Variants in DISP2 observed in about 807,000 individuals in gnomAD.
DISP2 encodes dispatched RND transporter family member 2.
DISP2 carries 59 observed loss-of-function variants against 95.5 expected under a neutral mutation model. The observed-to-expected ratio is 0.62, with a 90% CI of 0.50 to 0.77. DISP2 has a LOEUF of 0.77. Among genes scored for constraint, DISP2 ranks in the 30% least tolerant of loss-of-function variants. The pLI is 0.00. For missense variants in DISP2, 1,752 were observed against 1,854.6 expected, an observed-to-expected ratio of 0.94 and a Z score of 1.02; for synonymous variants, 827 against 815.0, an observed-to-expected ratio of 1.01 and a Z score of -0.25.
In DISP2 at chr15:40,358,249, C is replaced by G. The variant is rs1194682260; in HGVS notation, c.-73C>G. ...CACGAGCACCCCGCCGCCGCTGCCGCCGCCACCGCCGCCGCCGCCGCCGCC... is the reference window on the plus strand; with the variant it reads ...CACGAGCACCCCGCCGCCGCTGCCGGCGCCACCGCCGCCGCCGCCGCCGCC... On this transcript the variant is annotated 5_prime_UTR_variant, in exon 1 of 8. Coordinates refer to ENST00000267889, the MANE Select transcript of DISP2 (RefSeq NM_033510.3). The G allele has an allele frequency of 1.9e-6, 2 of 1,045,896 alleles. No individual in the cohort carries two copies. Among genetic ancestry groups the G allele is most frequent in the Non-Finnish European group, 2.3e-6 (2 of 864,444 alleles). 64.8% of individuals were successfully genotyped at this position (1,045,896 alleles called of 1,614,324 possible). A position where few individuals can be genotyped will look rare whatever the true frequency, so the allele number is the denominator to read the frequency against.
chr15:40,367,360 T>A lies in DISP2; in HGVS notation c.1248T>A (p.Leu416=). 7 of 1,613,414 alleles carry A rather than the reference T, an allele frequency of 4.3e-6. No individual in the cohort carries two copies. The highest frequency in any genetic ancestry group is 5.9e-6 in the Non-Finnish European group (7 of 1,179,898). Reference sequence around the variant, plus strand: ...TCTACCAACTCCTGCACTTTCTGCTTGACAGGGACTTTCTGAGTCCCCAGA... The same window carrying A: ...TCTACCAACTCCTGCACTTTCTGCTAGACAGGGACTTTCTGAGTCCCCAGA... The part of the protein sequence containing the change: ...SAIYQLLHFL[L]DRDFLSPQTT... Residue 416 remains leucine, a synonymous_variant, in exon 8 of 8, where the codon CTT becomes CTA. Transcript: ENST00000267889.
Position 40,363,845 on chromosome 15 carries a change from C to G in DISP2, c.340C>G (p.Arg114Gly), listed in dbSNP as rs773758681. The G allele has an allele frequency of 1.9e-6, 3 of 1,610,472 alleles. No individual in the cohort carries two copies. Among genetic ancestry groups the G allele is most frequent in the Non-Finnish European group, 8.5e-7 (1 of 1,177,674 alleles). Residue 114 changes from arginine (R) to glycine (G), a missense_variant, in exon 2 of 8, where the codon CGG (arginine) becomes GGG (glycine). Transcript: ENST00000267889. ...GGSSLPGLGD[R>G]AALCSHGSSL... ...CAGTTCCCTGCCAGGACTTGGGGATCGGGCAGCTCTCTGCTCCCACGGCTC... is the reference window on the plus strand; with the variant it reads ...CAGTTCCCTGCCAGGACTTGGGGATGGGGCAGCTCTCTGCTCCCACGGCTC...
Position 40,358,244 on chromosome 15 carries a change from TGCCGCCGCCACC to T in DISP2, c.-68_-57del, listed in dbSNP as rs750818005. ...ATGCGCACGAGCACCCCGCCGCCGC[TGCCGCCGCCACC>T]GCCGCCGCCGCCGCCGCCGCCGCGG... On this transcript the variant is annotated 5_prime_UTR_variant, in exon 1 of 8. Coordinates refer to ENST00000267889, the MANE Select transcript of DISP2 (RefSeq NM_033510.3). 5.0e-5 allele frequency: 39 copies of T among 779,898 alleles called. 2 individuals carry two copies. The Middle Eastern group carries it at 1.5e-3, about 31-fold the overall frequency. The allele number at this position is 779,898 out of a possible 1,614,324, so 48.3% of individuals were successfully genotyped here.
intron 1 of DISP2, among the ~76,000 whole-genome samples, chr15:40,362,918 TG>T (rs2141259457): frequency 6.6e-6 from 1 of 152,354 alleles, no homozygotes; most frequent in East Asian, 1.9e-4. Context: ...TCGGAAGAAC[TG>T]GGTTTGAGTA....
At chr15:40,363,505 A>G in intron 1 of DISP2, 120 bp from the exon 2 acceptor site, 1 of 742,556 alleles carries the variant, frequency 1.3e-6, no homozygotes, top group South Asian at 2.3e-5. Flanking sequence ...CCCCAGGACT[A>G]ATAAATCAAC....
chr15:40,365,300 G>A (rs2141260989), intron 6 of DISP2, 26 bp downstream of exon 6: 2 of 1,610,978 alleles, frequency 1.2e-6, no homozygotes, highest in Non-Finnish European at 8.5e-7. Context: ...GCCAGTTCCT[G>A]GTTTTAATAG....
chr15:40,367,062 G>C lies in DISP2; in HGVS notation c.950G>C (p.Arg317Pro). 1 of 1,608,728 alleles carries C rather than the reference G, an allele frequency of 6.2e-7. No homozygotes were observed. Among genetic ancestry groups the C allele is most frequent in the Non-Finnish European group, 8.5e-7 (1 of 1,179,972 alleles). The change falls in exon 8 of 8, where the codon CGC becomes CCC. Residue 317 changes from arginine (R) to proline (P), a missense_variant. Transcript: ENST00000267889. ...SMCRMEQDQI[R>P]SHTSFGALCQ... Reference sequence around the variant, plus strand: ...CCTCCTGCGTGTGCCCTACAGATCCGCTCCCATACCAGCTTCGGGGCTCTG... The same window carrying C: ...CCTCCTGCGTGTGCCCTACAGATCCCCTCCCATACCAGCTTCGGGGCTCTG...
chr15:40,364,211 T>C lies in DISP2; in HGVS notation c.450-15T>C, dbSNP rs1889456029. 6.2e-7 allele frequency: 1 copy of C among 1,614,046 alleles called. No homozygotes were observed. On this transcript the variant is annotated splice_polypyrimidine_tract_variant and intron_variant, in intron 2 of 7. Coordinates refer to ENST00000267889, the MANE Select transcript of DISP2 (RefSeq NM_033510.3). ...AGAACTCTGGCAAGCAAGCATCTTT[T>C]CTTCTCTTCCACAGGCAGGAACGAG...
In DISP2 at chr15:40,367,836, CG is replaced by C. The variant is rs745509399; in HGVS notation, c.1731del (p.Leu578TrpfsTer32). 14 of 1,601,368 alleles carry C rather than the reference CG, an allele frequency of 8.7e-6. No homozygotes were observed. The highest frequency in any genetic ancestry group is 1.3e-5 in the African/African-American group (1 of 74,906). ...LWRLSKSQLPSGGLAQRVGRT... is the reference protein window; with the variant it reads ...LWRLSKSQLPXGGLAQRVGRT... ...CGCCTTAGCAAGAGCCAGCTGCCGTCGGGGGGGCTGGCGCAGCGCGTGGGCC... is the reference window on the plus strand; with the variant it reads ...CGCCTTAGCAAGAGCCAGCTGCCGTCGGGGGGCTGGCGCAGCGCGTGGGCC... On this transcript the variant is annotated frameshift_variant, in exon 8 of 8. Coordinates refer to ENST00000267889, the MANE Select transcript of DISP2 (RefSeq NM_033510.3). LOFTEE classifies it high-confidence loss of function.
In DISP2 at chr15:40,368,424, C is replaced by T. The variant is rs986291790; in HGVS notation, c.2312C>T (p.Pro771Leu). ...CCGCAGGGCGAGGGCGGCCACATGC[C>T]CGTGGTTTTGGTGTGGGGCGTCCTG... The part of the protein sequence containing the change: ...QLPQGEGGHM[P>L]VVLVWGVLPV... The change falls in exon 8 of 8, where the codon CCC (proline) becomes CTC (leucine). Residue 771 changes from proline to leucine, a missense_variant. Pro to Leu is a moderately conservative substitution (Grantham distance 98). Coordinates refer to ENST00000267889, the MANE Select transcript of DISP2 (RefSeq NM_033510.3). 6.2e-7 allele frequency: 1 copy of T among 1,609,458 alleles called. No individual in the cohort carries two copies. Among genetic ancestry groups the T allele is most frequent in the Admixed American group, 1.7e-5 (1 of 60,028 alleles).
Position 40,365,080 on chromosome 15 carries a change from G to A in DISP2, c.720-67G>A, listed in dbSNP as rs1889474395. On this transcript the variant is annotated intron_variant, in intron 5 of 7. Transcript: ENST00000267889. ...TGCCAAGGAAGGCTCCCTGGGGAGT[G>A]GTCTCTGGCCTCCTCTGAGTCTTCC... 2.5e-5 allele frequency: 40 copies of A among 1,590,664 alleles called. 1 individual carries two copies. In the South Asian group the frequency reaches 3.9e-4, roughly 15 times the overall value.
rs1192146092 is a variant in DISP2, at chr15:40,368,296, G to T, written c.2184G>T (p.Arg728=). 5.6e-6 allele frequency: 9 copies of T among 1,604,928 alleles called. No homozygotes were observed. Among genetic ancestry groups the T allele is most frequent in the Non-Finnish European group, 7.6e-6 (9 of 1,177,054 alleles). The change falls in exon 8 of 8, where the codon CGG becomes CGT. Residue 728 remains arginine, a synonymous_variant. Transcript: ENST00000267889. ...TCGCCGGAGTCAGCCCCCGCCTGCG[G>T]CTGCCCACGCTGCCGCCGCCCGGCG... The part of the protein sequence containing the change: ...AYIAGVSPRL[R]LPTLPPPGGQ...
rs1158486049 is a variant in DISP2, at chr15:40,358,236, GCCGCCGCTGCCGCCGCCA to G, written c.-78_-61del. On this transcript the variant is annotated 5_prime_UTR_variant, in exon 1 of 8. Transcript: ENST00000267889. ...GCCTACGCATGCGCACGAGCACCCC[GCCGCCGCTGCCGCCGCCA>G]CCGCCGCCGCCGCCGCCGCCGCCGC... 3,010 of 952,254 alleles carry G rather than the reference GCCGCCGCTGCCGCCGCCA, an allele frequency of 3.2e-3. 58 individuals carry two copies. In the African/African-American group the frequency reaches 0.048, roughly 15 times the overall value. The allele number at this position is 952,254 out of a possible 1,614,324, so 59.0% of individuals were successfully genotyped here. A position where few individuals can be genotyped will look rare whatever the true frequency, so the allele number is the denominator to read the frequency against.
chr15:40,368,520 C>T lies in DISP2; in HGVS notation c.2408C>T (p.Ala803Val). ...SSLVRDPAFS[A>V]SGPEAQRWLL... is the part of the protein sequence containing the mutation. Reference sequence around the variant, plus strand: ...CTGGTGAGGGACCCTGCCTTCTCGGCCAGCGGCCCTGAGGCCCAGCGCTGG... The same window carrying T: ...CTGGTGAGGGACCCTGCCTTCTCGGTCAGCGGCCCTGAGGCCCAGCGCTGG... Residue 803 changes from alanine (A) to valine (V), a missense_variant, in exon 8 of 8, where the codon GCC (alanine) becomes GTC (valine). By Grantham distance (64) the Ala-to-Val change is moderately conservative. Transcript: ENST00000267889. 3.1e-6 allele frequency: 5 copies of T among 1,606,120 alleles called. No individual in the cohort carries two copies. Among genetic ancestry groups the T allele is most frequent in the Non-Finnish European group, 4.2e-6 (5 of 1,179,892 alleles).
chr15:40,359,682 T>A lies in DISP2; in HGVS notation c.119+1242T>A, dbSNP rs140498912. Among the ~76,000 whole-genome samples the A allele has an allele frequency of 1.3e-4, 20 of 152,346 alleles. No homozygotes were observed. In the East Asian group the frequency reaches 3.5e-3, roughly 26 times the overall value. On this transcript the variant is annotated intron_variant, in intron 1 of 7. Transcript: ENST00000267889. ...TGGGCACAGGATCCACTTGCTCTCTTCCAGAAACTCCCTGGGGCCTCTGGC... is the reference window on the plus strand; with the variant it reads ...TGGGCACAGGATCCACTTGCTCTCTACCAGAAACTCCCTGGGGCCTCTGGC...
Position 40,368,759 on chromosome 15 carries a change from G to C in DISP2, c.2647G>C (p.Gly883Arg). The stretch of plus-strand genomic sequence containing the variant: ...CCTGAAAATGATGGCTCTGGAGCAA[G>C]GCCCCGATGGCACCCAGGACCTGGG... Reference protein sequence around the residue: ...HCLKMMALEQGPDGTQDLGLR... With the variant: ...HCLKMMALEQRPDGTQDLGLR... Residue 883 changes from glycine to arginine, a missense_variant, in exon 8 of 8, where the codon GGC becomes CGC. This residue lies in a region of DISP2 where 317 missense variants were observed against 394.9 expected (regional missense o/e 0.80). Coordinates refer to ENST00000267889, the MANE Select transcript of DISP2 (RefSeq NM_033510.3). The C allele has an allele frequency of 9.3e-6, 15 of 1,613,816 alleles. No individual in the cohort carries two copies. The highest frequency in any genetic ancestry group is 1.2e-5 in the Non-Finnish European group (14 of 1,180,032).
chr15:40,365,132 T>C lies in DISP2; in HGVS notation c.720-15T>C, dbSNP rs1566914937. The C allele has an allele frequency of 2.5e-6, 4 of 1,612,128 alleles. No individual in the cohort carries two copies. The highest frequency in any genetic ancestry group is 3.4e-6 in the Non-Finnish European group (4 of 1,179,030). On this transcript the variant is annotated splice_polypyrimidine_tract_variant and intron_variant, in intron 5 of 7. Transcript: ENST00000267889. ...ACCCTAATGGTGCCTGGCATAGATA[T>C]TCTCTCCACTTCAGCTCGAGCTCCC...
chr15:40,364,593 C>T, intron 4 of DISP2, 49 bp downstream of exon 4: 1 of 1,595,900 alleles, frequency 6.3e-7, no homozygotes, highest in East Asian at 2.2e-5. Context: ...GCCACCTTGA[C>T]CCAGCCTGGG....
rs374961510 is a variant in DISP2, at chr15:40,361,202, G to A, written c.120-2423G>A. Among the ~76,000 whole-genome samples, 10 of 152,328 alleles carry A rather than the reference G, an allele frequency of 6.6e-5. No homozygotes were observed. In the East Asian group the frequency reaches 1.2e-3, roughly 18 times the overall value. On this transcript the variant is annotated intron_variant, in intron 1 of 7. Coordinates refer to ENST00000267889, the MANE Select transcript of DISP2 (RefSeq NM_033510.3). ...TAAGTATCAGTGATTAAAATCATGA[G>A]ATCAAATTTTAATGCAGCTTTTGGA... is the stretch of plus-strand genomic sequence containing the variant.
Sources: allele counts gnomAD v4.1 joint callset (sites outside exome capture counted in the v4.1 genomes callset), GRCh38; gene constraint gnomAD v4.1.1; regional missense constraint gnomAD v4.1.1; transcripts MANE v1.5; gene names NCBI Gene and HGNC (gene_info 2026-07-23, HGNC 2026-07-21).